The following LDB1 variants were observed in gnomAD, a reference collection of about 807,000 sequenced individuals.
LDB1 encodes the protein LIM domain binding 1, also known as LIM domain-binding protein 1.
Under a neutral mutation model 49.7 loss-of-function variants are expected in LDB1, and 6 were observed. The observed-to-expected ratio is 0.12, with a 90% CI of 0.07 to 0.24. LDB1 has a LOEUF of 0.24. LDB1 is among the 10% of genes least tolerant of loss of function. The pLI is 1.00. For synonymous variants in LDB1, 233 were observed against 202.0 expected, an observed-to-expected ratio of 1.15 and a Z score of -1.30; for missense variants, 341 against 561.7, an observed-to-expected ratio of 0.61 and a Z score of 3.97.
At chr10:102,114,610 CCCGGGGGAAAGTTACAATGGCCACTGGG>C in intron 1 of LDB1, 1 of 985,374 alleles carries the variant, frequency 1.0e-6, no homozygotes, top group Non-Finnish European at 1.2e-6. Context: ...CGGCCGCTGT[CCCGGGGGAAAGTTACAATGGCCACTGGG>C]CCGGGGGCCG....
At chr10:102,102,097 G>C (rs982127415), downstream of LDB1, among the ~76,000 whole-genome samples, 3 of 151,864 alleles carry the variant, frequency 2.0e-5, no homozygotes. Flanking sequence ...ATTTTTTTTT[G>C]TATTTTTCAT....
At chr10:102,108,425 G>A (rs2068199435) in intron 10 of LDB1, 102 bp from the exon 11 acceptor site, 4 of 823,002 alleles carry the variant, frequency 4.9e-6, no homozygotes, top group Non-Finnish European at 5.8e-6. Flanking sequence ...GGAAGCTCAA[G>A]AGTCCCCACC....
At chr10:102,108,368 G>A (rs200928277) in intron 10 of LDB1, 45 bp from the exon 11 acceptor site, 25 of 1,519,068 alleles carry the variant, frequency 1.6e-5, no homozygotes, top group East Asian at 2.3e-5. Flanking sequence ...GCAAGGGCTC[G>A]CCCGGCCCAG....
chr10:102,110,808 T>G, intron 5 of LDB1, 61 bp downstream of exon 5: 1 of 1,584,958 alleles, frequency 6.3e-7, no homozygotes, highest in Non-Finnish European at 8.7e-7. Flanking sequence ...GACCCACTTC[T>G]AGACCTTAGA....
Position 102,117,332 on chromosome 10 carries a change from G to C in LDB1, c.25+2754C>G, listed in dbSNP as rs546029945. On this transcript the variant is annotated intron_variant, in intron 1 of 10. Coordinates refer to ENST00000673968, the MANE Select transcript of LDB1 (RefSeq NM_001113407.3). The surrounding 1 kb of genome is among the most constrained non-coding windows in gnomAD (Gnocchi z 4.2). ...GCAAGTCTGCTCCTTTCTCTGCTCT[G>C]ACCAGATTTACCCAGTTGCACAGGG... 1.3e-5 allele frequency among the ~76,000 whole-genome samples: 2 copies of C among 152,302 alleles called. No individual in the cohort carries two copies. The highest frequency in any genetic ancestry group is 6.5e-5 in the Admixed American group (1 of 15,304).
At chr10:102,113,130 G>A (rs1414108169) in intron 1 of LDB1, among the ~76,000 whole-genome samples, 1 of 152,204 alleles carries the variant, frequency 6.6e-6, no homozygotes, top group African/African-American at 2.4e-5. Context: ...TTGGGGGGAA[G>A]AGACAAAAGA....
chr10:102,119,987 C>T, intron 1 of LDB1, 99 bp downstream of exon 1: 1 of 939,836 alleles, frequency 1.1e-6, no homozygotes, highest in Non-Finnish European at 1.5e-6. Context: ...TCCCCCATGC[C>T]ATCGACGCCC....
chr10:102,107,044 T>C lies in LDB1; in HGVS notation c.*1049A>G, dbSNP rs1031769327. Reference sequence around the variant, plus strand: ...TGCAGTTGGAGGGGCTGAGGGAAGATTCTGGAGGAAAGTGGCTGAGCCCCT... The same window carrying C: ...TGCAGTTGGAGGGGCTGAGGGAAGACTCTGGAGGAAAGTGGCTGAGCCCCT... On this transcript the variant is annotated 3_prime_UTR_variant, in exon 11 of 11. Coordinates refer to ENST00000673968, the MANE Select transcript of LDB1 (RefSeq NM_001113407.3). 6.6e-5 allele frequency among the ~76,000 whole-genome samples: 10 copies of C among 152,058 alleles called. No individual in the cohort carries two copies. The highest frequency in any genetic ancestry group is 1.3e-4 in the Non-Finnish European group (9 of 67,984).
chr10:102,121,201 T>G (rs572982158), upstream of LDB1, among the ~76,000 whole-genome samples: 43 of 152,012 alleles, frequency 2.8e-4, 1 homozygote, highest in South Asian at 8.9e-3. Context: ...TAGGAGGCCA[T>G]CCTTCCTTCT....
At chr10:102,114,348 G>A (rs1318356211) in intron 1 of LDB1, 2 of 986,230 alleles carry the variant, frequency 2.0e-6, no homozygotes, top group African/African-American at 3.5e-5. Flanking sequence ...ATCAGGCCCG[G>A]GCCGGGCTGA....
chr10:102,110,927 A>G lies in LDB1; in HGVS notation c.294T>C (p.Phe98=), dbSNP rs1382805174. ...TGATGGTCAACATGGCATCATCCTC[A>G]AAGAACTCAGTCGTGAATGCATCCC... is the stretch of plus-strand genomic sequence containing the variant. ...LWWDAFTTEF[F]EDDAMLTITF... Residue 98 remains phenylalanine (F), a synonymous_variant, in exon 5 of 11, where the codon TTT becomes TTC. Coordinates refer to ENST00000673968, the MANE Select transcript of LDB1 (RefSeq NM_001113407.3). 6.2e-7 allele frequency: 1 copy of G among 1,614,132 alleles called. No individual in the cohort carries two copies. Among genetic ancestry groups the G allele is most frequent in the Non-Finnish European group, 8.5e-7 (1 of 1,180,004 alleles).
chr10:102,120,399 G>A (rs1219553175), upstream of LDB1: 31 of 984,034 alleles, frequency 3.2e-5, no homozygotes, highest in Non-Finnish European at 3.7e-5. Context: ...GCGTGTGCGT[G>A]TGCGTGTCTG....
At position 102,110,519 on chromosome 10, in the gene LDB1, G is replaced by C. The variant is rs759805735; in HGVS notation, c.525+10C>G. On this transcript the variant is annotated intron_variant, in intron 6 of 10. Transcript: ENST00000673968. ...TGCCATGGTGTTCCACATCCAGCTG[G>C]GTTGCTGACCTGGGTGAACATGGGC... 3 of 1,607,252 alleles carry C rather than the reference G, an allele frequency of 1.9e-6. No homozygotes were observed. Among genetic ancestry groups the C allele is most frequent in the Admixed American group, 1.7e-5 (1 of 59,394 alleles).
In LDB1 at chr10:102,117,735, G is replaced by T. The variant is rs192066934; in HGVS notation, c.25+2351C>A. 7.2e-5 allele frequency among the ~76,000 whole-genome samples: 11 copies of T among 152,282 alleles called. No individual in the cohort carries two copies. The East Asian group carries it at 7.7e-4, about 11-fold the overall frequency. ...CTGAGCCACATGCTGCCCCAGACAG[G>T]CCCTGGCCCCCTCAGCCTCTTGCTC... is the stretch of plus-strand genomic sequence containing the variant. On this transcript the variant is annotated intron_variant, in intron 1 of 10. Coordinates refer to ENST00000673968, the MANE Select transcript of LDB1 (RefSeq NM_001113407.3). The surrounding 1 kb of genome is among the most constrained non-coding windows in gnomAD (Gnocchi z 4.2).
chr10:102,116,297 T>G (rs1273143983), intron 1 of LDB1, among the ~76,000 whole-genome samples: 2 of 152,214 alleles, frequency 1.3e-5, no homozygotes, highest in Non-Finnish European at 1.5e-5. Context: ...TTCTCCTGCC[T>G]CAGCCTCCTG....
chr10:102,117,195 A>G lies in LDB1; in HGVS notation c.25+2891T>C, dbSNP rs1195238432. Among the ~76,000 whole-genome samples, 1 of 152,080 alleles carries G rather than the reference A, an allele frequency of 6.6e-6. No homozygotes were observed. Among genetic ancestry groups the G allele is most frequent in the African/African-American group, 2.4e-5 (1 of 41,398 alleles). On this transcript the variant is annotated intron_variant, in intron 1 of 10. Transcript: ENST00000673968. The surrounding 1 kb of genome is among the most constrained non-coding windows in gnomAD (Gnocchi z 4.2). Reference sequence around the variant, plus strand: ...CCCCACACCCACCCTGTCTCCTCAGACAGGAGGGACTACAAGGGCCCTCCA... The same window carrying G: ...CCCCACACCCACCCTGTCTCCTCAGGCAGGAGGGACTACAAGGGCCCTCCA...
At chr10:102,104,775 A>C (rs989657922), downstream of LDB1, among the ~76,000 whole-genome samples, 3 of 152,130 alleles carry the variant, frequency 2.0e-5, no homozygotes, top group Admixed American at 2.0e-4. Context: ...TACCCAACCG[A>C]GTCACACAAC....
At chr10:102,104,105 A>G (rs2068137535), downstream of LDB1, among the ~76,000 whole-genome samples, 2 of 151,862 alleles carry the variant, frequency 1.3e-5, no homozygotes. Context: ...CTAAGGGTAT[A>G]AAAGAGGGGT....
chr10:102,117,825 C>A lies in LDB1; in HGVS notation c.25+2261G>T, dbSNP rs1432581358. ...GCCATTCCAGCCCCAGAAGCTGGTC[C>A]TCACCCCAGGAGCAATATGGGTGTT... On this transcript the variant is annotated intron_variant, in intron 1 of 10. Transcript: ENST00000673968. The surrounding 1 kb of genome is among the most constrained non-coding windows in gnomAD (Gnocchi z 4.2). 1.3e-5 allele frequency among the ~76,000 whole-genome samples: 2 copies of A among 152,210 alleles called. No homozygotes were observed. The highest frequency in any genetic ancestry group is 4.8e-5 in the African/African-American group (2 of 41,452).
Sources: gnomAD v4.1 joint callset for allele counts (sites outside exome capture counted in the v4.1 genomes callset) on GRCh38, gnomAD v4.1.1 for gene constraint, Gnocchi (gnomAD v3.1) non-coding constraint, MANE v1.5 for transcripts, NCBI Gene and HGNC (gene_info 2026-07-23, HGNC 2026-07-21) for gene names.